OSBP2: variants seen among roughly 807,000 people sequenced by gnomAD.
OSBP2 encodes the protein oxysterol-binding protein 2.
OSBP2 carries 66 observed loss-of-function variants against 96.0 expected under a neutral mutation model. The observed-to-expected ratio is 0.69, with a 90% confidence interval of 0.56 to 0.84. OSBP2 has a LOEUF of 0.84. Among genes scored for constraint, OSBP2 ranks in the 40% least tolerant of loss-of-function variants. The probability of loss-of-function intolerance (pLI) is 0.00; values close to 1 mark genes in which losing one functional copy is unlikely to be tolerated. For missense variants in OSBP2, 1,038 were observed against 1,222.7 expected, an observed-to-expected ratio of 0.85 and a Z score of 2.25; for synonymous variants, 525 against 520.9, an observed-to-expected ratio of 1.01 and a Z score of -0.11.
At chr22:30,837,831 A>T (rs1321290043) in intron 2 of OSBP2, among the ~76,000 whole-genome samples, 2 of 152,290 alleles carry the variant, frequency 1.3e-5, no homozygotes, top group Admixed American at 1.3e-4. Flanking sequence ...TGCAGCCCTG[A>T]AGACTCTGCT....
intron 2 of OSBP2, among the ~76,000 whole-genome samples, chr22:30,786,733 G>C (rs2090595421): frequency 6.9e-6 from 1 of 144,126 alleles, no homozygotes; most frequent in Admixed American, 7.1e-5. Context: ...GTGGGGTGGG[G>C]TGGGGTGGGG....
At position 30,710,998 on chromosome 22, in the gene OSBP2, G is replaced by A. The variant is rs958317985; in HGVS notation, c.644+15445G>A. On this transcript the variant is annotated intron_variant, in intron 1 of 13. Coordinates refer to ENST00000332585, the MANE Select transcript of OSBP2 (RefSeq NM_030758.4). ...GACCTCAGGCGATCCGCCTGCCTCG[G>A]CCTCCCAAAGTGCTGGGAATACAGG... Among the ~76,000 whole-genome samples the A allele has an allele frequency of 5.9e-5, 9 of 152,184 alleles. No individual in the cohort carries two copies. The East Asian group carries it at 1.7e-3, about 29-fold the overall frequency.
chr22:30,873,889 T>G (rs958912159), intron 3 of OSBP2, among the ~76,000 whole-genome samples: 26 of 152,152 alleles, frequency 1.7e-4, no homozygotes, highest in African/African-American at 5.8e-4. Flanking sequence ...GGCTGCTCCA[T>G]CTTCACTTTT....
At chr22:30,737,992 G>A (rs550416834) in intron 1 of OSBP2, among the ~76,000 whole-genome samples, 3 of 152,072 alleles carry the variant, frequency 2.0e-5, no homozygotes, top group African/African-American at 4.8e-5. Flanking sequence ...GATTACAGGC[G>A]TGAGCCACCG....
At chr22:30,842,808 C>T (rs1602344465) in intron 2 of OSBP2, 1 of 152,482 alleles carries the variant, frequency 6.6e-6, no homozygotes, top group Non-Finnish European at 1.5e-5. Context: ...AGGAGTCTGG[C>T]TCTGTCATCC....
At position 30,890,606 on chromosome 22, in the gene OSBP2, G is replaced by A. The variant is rs2039924654; in HGVS notation, c.1624-122G>A. 4 of 1,096,436 alleles carry A rather than the reference G, an allele frequency of 3.6e-6. No homozygotes were observed. Among genetic ancestry groups the A allele is most frequent in the African/African-American group, 1.5e-5 (1 of 65,014 alleles). 67.9% of individuals were successfully genotyped at this position (1,096,436 alleles called of 1,614,324 possible). A position where few individuals can be genotyped will look rare whatever the true frequency, so the allele number is the denominator to read the frequency against. Reference sequence around the variant, plus strand: ...GCCACACTGTTGGACAGGGCCATCTGAGGAGCCTCACTGTGAAGGTGCTGT... The same window carrying A: ...GCCACACTGTTGGACAGGGCCATCTAAGGAGCCTCACTGTGAAGGTGCTGT... On this transcript the variant is annotated intron_variant, in intron 7 of 13. Coordinates refer to ENST00000332585, the MANE Select transcript of OSBP2 (RefSeq NM_030758.4). This position sits in a 1 kb window ranked among gnomAD's most constrained non-coding sequence, Gnocchi z 4.4.
intron 2 of OSBP2, among the ~76,000 whole-genome samples, chr22:30,833,848 A>C (rs2038579716): frequency 6.6e-6 from 1 of 152,144 alleles, no homozygotes; most frequent in African/African-American, 2.4e-5. Flanking sequence ...TGCAGTTGGA[A>C]AGTATGTTTT....
chr22:30,837,710 G>T (rs909276951), intron 2 of OSBP2, among the ~76,000 whole-genome samples: 5 of 152,150 alleles, frequency 3.3e-5, no homozygotes, highest in Non-Finnish European at 7.3e-5. Context: ...TTCTAGGCAG[G>T]TTCGGGGTGA....
intron 1 of OSBP2, among the ~76,000 whole-genome samples, chr22:30,708,676 C>T (rs778089707): frequency 6.7e-6 from 1 of 150,196 alleles, no homozygotes; most frequent in African/African-American, 2.4e-5. Context: ...TTTGTAGAGA[C>T]GAGGTTTCAC....
At chr22:30,823,144 C>T (rs1262249786) in intron 2 of OSBP2, among the ~76,000 whole-genome samples, 1 of 151,704 alleles carries the variant, frequency 6.6e-6, no homozygotes, top group Non-Finnish European at 1.5e-5. Flanking sequence ...CCAGTGGTGT[C>T]GGCTTTGCTC....
Position 30,796,446 on chromosome 22 carries a change from A to T in OSBP2, c.853+55077A>T, listed in dbSNP as rs1364597159. ...CCTATGTTATTTTAAATTATCTTCT[A>T]TTCTTTGTTAATATATGTGCTTTAG... On this transcript the variant is annotated intron_variant, in intron 2 of 13. Coordinates refer to ENST00000332585, the MANE Select transcript of OSBP2 (RefSeq NM_030758.4). Among the ~76,000 whole-genome samples, 3 of 152,288 alleles carry T rather than the reference A, an allele frequency of 2.0e-5. No homozygotes were observed. In the East Asian group the frequency reaches 5.8e-4, roughly 29 times the overall value.
At chr22:30,807,944 C>A (rs1401445325) in intron 2 of OSBP2, among the ~76,000 whole-genome samples, 2 of 152,112 alleles carry the variant, frequency 1.3e-5, no homozygotes, top group East Asian at 1.9e-4. Context: ...GGCCACCATG[C>A]CAAGCTAATT....
chr22:30,798,581 T>TGA (rs2090799397), intron 2 of OSBP2, among the ~76,000 whole-genome samples: 1 of 152,284 alleles, frequency 6.6e-6, no homozygotes, highest in African/African-American at 2.4e-5. Context: ...TCTTTGATCC[T>TGA]TTTGAGTTAA....
chr22:30,862,108 T>C (rs1250157075), intron 2 of OSBP2, among the ~76,000 whole-genome samples: 2 of 152,192 alleles, frequency 1.3e-5, no homozygotes, highest in Admixed American at 1.3e-4. Flanking sequence ...TCCCTGTTCT[T>C]TTGGAAGCTC....
At chr22:30,716,832 G>A (rs763537095) in intron 1 of OSBP2, among the ~76,000 whole-genome samples, 24 of 152,252 alleles carry the variant, frequency 1.6e-4, no homozygotes, top group Non-Finnish European at 2.6e-4. Context: ...TCAGATATAT[G>A]ATTAGCAAAT....
chr22:30,695,616 GGA>G, intron 1 of OSBP2, 63 bp downstream of exon 1: 1 of 1,546,456 alleles, frequency 6.5e-7, no homozygotes, highest in Non-Finnish European at 8.7e-7. Flanking sequence ...GGATGGTGAT[GGA>G]GGGCCTCCAT....
At chr22:30,836,475 C>T (rs1288671736) in intron 2 of OSBP2, among the ~76,000 whole-genome samples, 2 of 152,182 alleles carry the variant, frequency 1.3e-5, no homozygotes, top group South Asian at 4.1e-4. Flanking sequence ...GCTCCACTGG[C>T]CAACAGTTGA....
chr22:30,896,647 A>ATTT (rs60421891), intron 12 of OSBP2, among the ~76,000 whole-genome samples: 16 of 144,038 alleles, frequency 1.1e-4, no homozygotes, highest in African/African-American at 3.3e-4. Context: ...GGCAAACTGG[A>ATTT]TTTTTTTTTT....
At chr22:30,869,315 C>T (rs553011753) in intron 2 of OSBP2, among the ~76,000 whole-genome samples, 9 of 152,226 alleles carry the variant, frequency 5.9e-5, no homozygotes, top group Non-Finnish European at 1.3e-4. Context: ...GACTTCACCT[C>T]TCAGAGCCTC....
Sources: gnomAD v4.1 joint callset for allele counts (sites outside exome capture counted in the v4.1 genomes callset) on GRCh38, gnomAD v4.1.1 for gene constraint, Gnocchi (gnomAD v3.1) non-coding constraint, MANE v1.5 for transcripts, NCBI Gene and HGNC (gene_info 2026-07-23, HGNC 2026-07-21) for gene names.